Variants in LRRTM4 observed in about 807,000 individuals in gnomAD.
LRRTM4 encodes leucine-rich repeat transmembrane neuronal protein 4.
LRRTM4 carries 25 observed loss-of-function variants against 47.6 expected under a neutral mutation model. That is an observed-to-expected ratio of 0.53 (90% CI 0.38 to 0.73). The LOEUF (loss-of-function observed/expected upper bound fraction) is 0.73. LRRTM4 is among the 30% of genes least tolerant of loss of function. The pLI is 0.00. For missense variants in LRRTM4, 638 were observed against 713.4 expected, an observed-to-expected ratio of 0.89 and a Z score of 1.20; for synonymous variants, 311 against 269.5, an observed-to-expected ratio of 1.15 and a Z score of -1.51.
intron 3 of LRRTM4, among the ~76,000 whole-genome samples, chr2:76,960,055 C>T (rs1437344488): frequency 6.6e-6 from 1 of 151,332 alleles, no homozygotes; most frequent in Non-Finnish European, 1.5e-5. Context: ...CTTTACCAAA[C>T]TTAGGGAAGA....
chr2:77,156,970 C>T (rs1558609350), intron 3 of LRRTM4, among the ~76,000 whole-genome samples: 2 of 151,756 alleles, frequency 1.3e-5, no homozygotes, highest in Admixed American at 1.3e-4. Flanking sequence ...TCATAATAAC[C>T]TTTGTTACTA....
intron 3 of LRRTM4, among the ~76,000 whole-genome samples, chr2:76,804,529 G>A (rs576897821): frequency 5.3e-5 from 8 of 151,190 alleles, no homozygotes; most frequent in Middle Eastern, 3.4e-3. Flanking sequence ...TATTTTAACC[G>A]GCTGATGCCC....
chr2:77,313,783 G>C (rs1449593661), intron 3 of LRRTM4, among the ~76,000 whole-genome samples: 7 of 152,080 alleles, frequency 4.6e-5, no homozygotes, highest in African/African-American at 1.7e-4. Context: ...TCTCCCTGAA[G>C]ACAAAGTTAT....
At position 77,521,836 on chromosome 2, in the gene LRRTM4, GCA is replaced by G. The variant is rs1558783997; in HGVS notation, c.-147-20_-147-19del. 1.9e-4 allele frequency: 40 copies of G among 211,990 alleles called. No homozygotes were observed. Among genetic ancestry groups the G allele is most frequent in the Middle Eastern group, 1.8e-3 (2 of 1,120 alleles). 13.1% of individuals were successfully genotyped at this position (211,990 alleles called of 1,614,324 possible). ...CATACAAACTTCCCCGAGAGGACAG[GCA>G]AAAAAAAAAAAAAAAAATACATATA... On this transcript the variant is annotated intron_variant, in intron 1 of 3. Coordinates refer to ENST00000409884, the MANE Select transcript of LRRTM4 (RefSeq NM_001134745.3).
At chr2:76,771,641 GAAAAAAAAAAA>G (rs748214529) in intron 3 of LRRTM4, among the ~76,000 whole-genome samples, 2 of 69,698 alleles carry the variant, frequency 2.9e-5, no homozygotes, top group Admixed American at 3.3e-4. Flanking sequence ...CAGGTGAACA[GAAAAAAAAAAA>G]AAAAAGAAAA....
intron 3 of LRRTM4, among the ~76,000 whole-genome samples, chr2:77,290,987 G>T (rs1358264518): frequency 3.9e-5 from 6 of 152,068 alleles, no homozygotes; most frequent in Non-Finnish European, 8.8e-5. Context: ...GGACATTACT[G>T]CTGGGCTTTT....
At chr2:77,258,530 G>A (rs773019731) in intron 3 of LRRTM4, among the ~76,000 whole-genome samples, 1 of 151,776 alleles carries the variant, frequency 6.6e-6, no homozygotes, top group Non-Finnish European at 1.5e-5. Context: ...TATAATACCT[G>A]AGAACTCCCT....
intron 3 of LRRTM4, among the ~76,000 whole-genome samples, chr2:77,297,745 C>G (rs1265683206): frequency 6.6e-6 from 1 of 152,110 alleles, no homozygotes; most frequent in African/African-American, 2.4e-5. Flanking sequence ...GAGAGTAGAG[C>G]TTTAAAGTCA....
chr2:77,516,330 G>C (rs1228804691), intron 3 of LRRTM4, among the ~76,000 whole-genome samples: 1 of 151,644 alleles, frequency 6.6e-6, no homozygotes, highest in Non-Finnish European at 1.5e-5. Context: ...ACTTGTTTCT[G>C]TCATGGTAAT....
intron 3 of LRRTM4, among the ~76,000 whole-genome samples, chr2:77,103,313 A>AT (rs1360703830): frequency 1.3e-5 from 2 of 152,196 alleles, no homozygotes; most frequent in African/African-American, 2.4e-5. Context: ...GATACAACAG[A>AT]TATGAGAGAC....
intron 3 of LRRTM4, among the ~76,000 whole-genome samples, chr2:77,034,985 T>C (rs183824439): frequency 8.6e-5 from 13 of 151,976 alleles, no homozygotes; most frequent in Admixed American, 8.6e-4. Context: ...GAAAATGAAT[T>C]GGTTTCCTCT....
chr2:77,277,671 A>G (rs368263457), intron 3 of LRRTM4, among the ~76,000 whole-genome samples: 117 of 152,136 alleles, frequency 7.7e-4, no homozygotes, highest in African/African-American at 2.6e-3. Flanking sequence ...TTCTCCGTTC[A>G]TATGTAAAAG....
Position 77,407,927 on chromosome 2 carries a change from A to G in LRRTM4, c.1551+110391T>C, listed in dbSNP as rs1674277404. On this transcript the variant is annotated intron_variant, in intron 3 of 3. Transcript: ENST00000409884. Reference sequence around the variant, plus strand: ...AATAGTGATTATCAAATAACCTGGCAACAGAGGAAACAAATCACAAATGCC... The same window carrying G: ...AATAGTGATTATCAAATAACCTGGCGACAGAGGAAACAAATCACAAATGCC... Among the ~76,000 whole-genome samples the G allele has an allele frequency of 2.6e-5, 4 of 151,494 alleles. No homozygotes were observed. The South Asian group carries it at 8.3e-4, about 31-fold the overall frequency.
chr2:77,060,535 T>G (rs1008569631), intron 3 of LRRTM4, among the ~76,000 whole-genome samples: 1 of 152,160 alleles, frequency 6.6e-6, no homozygotes, highest in Non-Finnish European at 1.5e-5. Context: ...GACTTGAATA[T>G]TTTGAGAAAA....
At chr2:77,200,574 GAA>G (rs1165370821) in intron 3 of LRRTM4, among the ~76,000 whole-genome samples, 1 of 152,106 alleles carries the variant, frequency 6.6e-6, no homozygotes, top group Non-Finnish European at 1.5e-5. Flanking sequence ...TGTTCTTAGA[GAA>G]ATATTTTATA....
intron 3 of LRRTM4, among the ~76,000 whole-genome samples, chr2:76,880,795 A>G (rs747963097): frequency 1.3e-5 from 2 of 152,206 alleles, no homozygotes; most frequent in Non-Finnish European, 2.9e-5. Context: ...TACAACTACA[A>G]CAATATCAGC....
chr2:77,481,221 T>G (rs955225287), intron 3 of LRRTM4, among the ~76,000 whole-genome samples: 7 of 152,190 alleles, frequency 4.6e-5, no homozygotes, highest in African/African-American at 1.7e-4. Context: ...ATGGAATTCT[T>G]GTCATAACCC....
intron 3 of LRRTM4, among the ~76,000 whole-genome samples, chr2:77,095,486 A>T (rs1476283615): frequency 6.6e-6 from 1 of 151,012 alleles, no homozygotes; most frequent in Non-Finnish European, 1.5e-5. Context: ...TAATAACCAA[A>T]ATATGAAATA....
At chr2:76,793,134 T>C (rs755666883) in intron 3 of LRRTM4, among the ~76,000 whole-genome samples, 2 of 152,186 alleles carry the variant, frequency 1.3e-5, no homozygotes, top group Non-Finnish European at 2.9e-5. Flanking sequence ...CTCAAGTCTT[T>C]AGGCAAGTAG....
Sources: allele counts gnomAD v4.1 joint callset (sites outside exome capture counted in the v4.1 genomes callset), GRCh38; gene constraint gnomAD v4.1.1; transcripts MANE v1.5; gene names NCBI Gene and HGNC (gene_info 2026-07-23, HGNC 2026-07-21).